RBFOX1: variants seen among roughly 807,000 people sequenced by gnomAD.
RBFOX1 encodes RNA binding fox-1 homolog 1.
Under a neutral mutation model 57.7 loss-of-function variants are expected in RBFOX1, and 8 were observed. The ratio of observed to expected loss-of-function variants is 0.14; its 90% CI spans 0.08 to 0.25. The LOEUF is 0.25. Among genes scored for constraint, RBFOX1 ranks in the 10% least tolerant of loss-of-function variants. The pLI is 1.00. For missense variants in RBFOX1, 611 were observed against 548.5 expected, an observed-to-expected ratio of 1.11 and a Z score of -1.14; for synonymous variants, 326 against 222.4, an observed-to-expected ratio of 1.47 and a Z score of -4.15.
chr16:5,520,015 T>A (rs2043949233), intron 2 of RBFOX1, among the ~76,000 whole-genome samples: 1 of 151,840 alleles, frequency 6.6e-6, no homozygotes, highest in Non-Finnish European at 1.5e-5. Flanking sequence ...ATTAAAGGAG[T>A]AAACTGATAA....
chr16:5,325,692 C>A (rs769408893), intron 1 of RBFOX1, among the ~76,000 whole-genome samples: 5 of 152,150 alleles, frequency 3.3e-5, no homozygotes, highest in African/African-American at 7.2e-5. Flanking sequence ...AGTATGCAAC[C>A]TTTTCAGACT....
chr16:5,790,746 C>G (rs546956894), intron 3 of RBFOX1, among the ~76,000 whole-genome samples: 1 of 152,076 alleles, frequency 6.6e-6, no homozygotes, highest in Non-Finnish European at 1.5e-5. Flanking sequence ...GTGCTGGGTG[C>G]GTGCTCTGCA....
At chr16:7,420,600 C>G (rs1424870492) in intron 4 of RBFOX1, among the ~76,000 whole-genome samples, 2 of 151,536 alleles carry the variant, frequency 1.3e-5, no homozygotes, top group Non-Finnish European at 2.9e-5. Flanking sequence ...TTTTCTTTCC[C>G]TTTCTGATGA....
intron 12 of RBFOX1, chr16:7,664,710 C>A (rs770105140): frequency 8.4e-6 from 6 of 714,112 alleles, no homozygotes; most frequent in Non-Finnish European, 1.3e-5. Flanking sequence ...ACCGCCACCA[C>A]CACATCCTAA....
At chr16:6,416,904 C>T (rs1227107596) in intron 2 of RBFOX1, among the ~76,000 whole-genome samples, 1 of 152,138 alleles carries the variant, frequency 6.6e-6, no homozygotes, top group Non-Finnish European at 1.5e-5. Flanking sequence ...AGTGTGTTTG[C>T]CATTTGTGTT....
At chr16:7,614,838 A>G (rs1290534865) in intron 10 of RBFOX1, 2 of 152,220 alleles carry the variant, frequency 1.3e-5, no homozygotes, top group African/African-American at 2.4e-5. Flanking sequence ...TGATCAAATT[A>G]TGAAGTCAAG....
chr16:5,933,207 A>G (rs1431388842), intron 4 of RBFOX1, among the ~76,000 whole-genome samples: 3 of 152,334 alleles, frequency 2.0e-5, no homozygotes, highest in South Asian at 4.1e-4. Context: ...TCTTCTCCGC[A>G]TGGCGCCAGG....
At chr16:6,468,611 A>G (rs1390627351) in intron 2 of RBFOX1, among the ~76,000 whole-genome samples, 2 of 151,132 alleles carry the variant, frequency 1.3e-5, no homozygotes, top group African/African-American at 4.9e-5. Context: ...TAGCCCTTAA[A>G]TGACTTTTTT....
intron 4 of RBFOX1, among the ~76,000 whole-genome samples, chr16:7,500,255 G>C (rs1021882739): frequency 6.6e-6 from 1 of 152,166 alleles, no homozygotes; most frequent in Non-Finnish European, 1.5e-5. Flanking sequence ...ACTGATCTTG[G>C]CTCTTCACTT....
intron 3 of RBFOX1, among the ~76,000 whole-genome samples, chr16:6,753,466 A>G (rs1356175469): frequency 6.6e-6 from 1 of 152,166 alleles, no homozygotes; most frequent in Non-Finnish European, 1.5e-5. Flanking sequence ...AGTTGCAGGA[A>G]GATCATCTTG....
chr16:7,470,242 G>T (rs1184995401), intron 4 of RBFOX1, among the ~76,000 whole-genome samples: 5 of 152,180 alleles, frequency 3.3e-5, no homozygotes, highest in Admixed American at 6.5e-5. Flanking sequence ...GCTGATTTCT[G>T]TGTCTGCCTC....
intron 1 of RBFOX1, among the ~76,000 whole-genome samples, chr16:6,239,055 A>C (rs2152922607): frequency 6.6e-6 from 1 of 152,224 alleles, no homozygotes. Flanking sequence ...TCCTTAGTTA[A>C]GTGATTTTAA....
At chr16:7,305,027 G>T (rs1484778705) in intron 4 of RBFOX1, among the ~76,000 whole-genome samples, 1 of 151,348 alleles carries the variant, frequency 6.6e-6, no homozygotes, top group African/African-American at 2.4e-5. Flanking sequence ...TCTGGAGTGT[G>T]TCAGCCCCAG....
chr16:5,705,441 T>C (rs2051205928), intron 3 of RBFOX1, among the ~76,000 whole-genome samples: 1 of 152,148 alleles, frequency 6.6e-6, no homozygotes, highest in Non-Finnish European at 1.5e-5. Context: ...TTTTAATTTT[T>C]TGCGGAGAAG....
At chr16:6,961,957 C>A (rs929912610) in intron 3 of RBFOX1, among the ~76,000 whole-genome samples, 3 of 100,644 alleles carry the variant, frequency 3.0e-5, no homozygotes, top group African/African-American at 1.0e-4. Flanking sequence ...TCTGTCTCAT[C>A]CTGTGACTAA....
intron 4 of RBFOX1, among the ~76,000 whole-genome samples, chr16:7,417,099 G>C: frequency 6.6e-6 from 1 of 152,094 alleles, no homozygotes; most frequent in Non-Finnish European, 1.5e-5. Flanking sequence ...TCCGGGCATG[G>C]TGGCTCACAC....
intron 2 of RBFOX1, among the ~76,000 whole-genome samples, chr16:6,370,412 A>G (rs2090261502): frequency 6.8e-6 from 1 of 147,084 alleles, no homozygotes; most frequent in Admixed American, 6.9e-5. Context: ...TGGACTGCCC[A>G]TTGCCGAATC....
At chr16:7,280,018 A>G (rs1213837502) in intron 4 of RBFOX1, among the ~76,000 whole-genome samples, 2 of 152,118 alleles carry the variant, frequency 1.3e-5, no homozygotes, top group Admixed American at 1.3e-4. Flanking sequence ...GCGCCACATC[A>G]CCTGCTCTGA....
chr16:5,807,981 C>CTTCT (rs1421360005), intron 3 of RBFOX1, among the ~76,000 whole-genome samples: 1 of 152,180 alleles, frequency 6.6e-6, no homozygotes, highest in Non-Finnish European at 1.5e-5. Flanking sequence ...TTCCTCCTTC[C>CTTCT]TTCTTGCTGT....
Sources: allele counts gnomAD v4.1 joint callset (sites outside exome capture counted in the v4.1 genomes callset), GRCh38; gene constraint gnomAD v4.1.1; transcripts MANE v1.5; gene names NCBI Gene and HGNC (gene_info 2026-07-23, HGNC 2026-07-21).